Variants in ZNF410 observed in about 807,000 individuals in gnomAD.
ZNF410 encodes the protein zinc finger protein 410.
Under a neutral mutation model 54.8 loss-of-function variants are expected in ZNF410, and 18 were observed. The ratio of observed to expected loss-of-function variants is 0.33; its 90% CI spans 0.23 to 0.49. The LOEUF (loss-of-function observed/expected upper bound fraction) is 0.49. ZNF410 is among the 20% of genes least tolerant of loss of function. ZNF410 has a pLI of 0.99. For missense variants in ZNF410, 405 were observed against 569.6 expected (o/e 0.71, Z 2.94); for synonymous variants, 191 against 207.3 (o/e 0.92, Z 0.68).
intron 5 of ZNF410, among the ~76,000 whole-genome samples, chr14:73,898,892 C>G (rs1184006536): frequency 3.3e-5 from 5 of 152,224 alleles, no homozygotes; most frequent in Admixed American, 3.3e-4. Flanking sequence ...GAAATATAAA[C>G]TCTCAGGCCC....
chr14:73,901,043 A>G (rs1157710456), intron 5 of ZNF410, among the ~76,000 whole-genome samples: 1 of 152,238 alleles, frequency 6.6e-6, no homozygotes, highest in Non-Finnish European at 1.5e-5. Flanking sequence ...AAGTCACTTT[A>G]TGAGTCCTCT....
At position 73,890,477 on chromosome 14, in the gene ZNF410, C is replaced by T. The variant is rs1409918191; in HGVS notation, c.-149-1550C>T. Among the ~76,000 whole-genome samples, 5 of 152,064 alleles carry T rather than the reference C, an allele frequency of 3.3e-5. No individual in the cohort carries two copies. In the East Asian group the frequency reaches 5.8e-4, roughly 18 times the overall value. ...TGCTGGGTTTACAGGCGTGAGCCAC[C>T]GTGCCCAGCCTAAGTGCCCTCTTTG... On this transcript the variant is annotated intron_variant, in intron 1 of 11. Transcript: ENST00000555044.
chr14:73,919,049 A>G (rs1203254703), intron 8 of ZNF410, among the ~76,000 whole-genome samples: 2 of 112,778 alleles, frequency 1.8e-5, no homozygotes, highest in Non-Finnish European at 3.3e-5. Flanking sequence ...ACTCTGGCTC[A>G]GGCTAGAGTG....
chr14:73,920,886 C>T, intron 8 of ZNF410, 94 bp from the exon 9 acceptor site: 1 of 1,510,324 alleles, frequency 6.6e-7, no homozygotes, highest in South Asian at 1.2e-5. Flanking sequence ...TGCTTATGTT[C>T]AGTTTAACAT....
chr14:73,913,460 A>C (rs1381547211), intron 8 of ZNF410: 2 of 152,334 alleles, frequency 1.3e-5, no homozygotes, highest in African/African-American at 4.8e-5. Context: ...CTTCTTAAGC[A>C]TAACTGTGTT....
chr14:73,900,664 C>T (rs1204795373), intron 5 of ZNF410, among the ~76,000 whole-genome samples: 2 of 152,120 alleles, frequency 1.3e-5, no homozygotes, highest in African/African-American at 4.8e-5. Context: ...CGTGAGCCAC[C>T]GTGCGTGGTC....
intron 11 of ZNF410, among the ~76,000 whole-genome samples, chr14:73,929,813 TA>T (rs376052758): frequency 7.2e-4 from 104 of 144,868 alleles, no homozygotes; most frequent in Middle Eastern, 7.0e-3. Context: ...CCAAACTCTT[TA>T]AAAAAAAAAA....
At chr14:73,897,955 G>C (rs1004833911) in intron 4 of ZNF410, 116 bp from the exon 5 acceptor site, 26 of 981,408 alleles carry the variant, frequency 2.6e-5, no homozygotes, top group Admixed American at 1.1e-4. Context: ...CTGGGTGACA[G>C]AGCGAGACGC....
At chr14:73,902,031 ATTCC>A (rs1428831146) in intron 5 of ZNF410, among the ~76,000 whole-genome samples, 1 of 151,068 alleles carries the variant, frequency 6.6e-6, no homozygotes, top group Non-Finnish European at 1.5e-5. Flanking sequence ...TGGTGGGAAG[ATTCC>A]TTCACGGCAT....
At chr14:73,894,428 T>G in intron 3 of ZNF410, 1 of 695,406 alleles carries the variant, frequency 1.4e-6, no homozygotes, top group South Asian at 1.5e-5. Context: ...ACTTGCTTTT[T>G]TTTTTTTTTT....
chr14:73,894,509 C>A, intron 3 of ZNF410: 1 of 672,028 alleles, frequency 1.5e-6, no homozygotes. Context: ...GCAACCTCCG[C>A]CTCCCCTCCC....
At chr14:73,900,025 G>A (rs994178473) in intron 5 of ZNF410, among the ~76,000 whole-genome samples, 15 of 151,926 alleles carry the variant, frequency 9.9e-5, no homozygotes, top group African/African-American at 1.9e-4. Context: ...GAGAAATCCC[G>A]TCTCTACTAA....
intron 7 of ZNF410, among the ~76,000 whole-genome samples, chr14:73,905,968 C>CATACATATATATATATAT (rs1555353430): frequency 3.0e-4 from 24 of 78,934 alleles, no homozygotes; most frequent in African/African-American, 9.3e-4. Flanking sequence ...CACACACACA[C>CATACATATATATATATAT]ATATATATAT....
Position 73,906,955 on chromosome 14 carries a change from T to C in ZNF410, c.913+1872T>C, listed in dbSNP as rs898055747. Among the ~76,000 whole-genome samples the C allele has an allele frequency of 4.6e-5, 7 of 152,094 alleles. No homozygotes were observed. In the East Asian group the frequency reaches 1.3e-3, roughly 29 times the overall value. ...ATAATCTCAGGCCTCTATTTAATTA[T>C]TTCTCCCTAGATGCCTCACAGATCT... On this transcript the variant is annotated intron_variant, in intron 7 of 11. Transcript: ENST00000555044.
chr14:73,888,325 A>G (rs1208457704), intron 1 of ZNF410: 1 of 152,216 alleles, frequency 6.6e-6, no homozygotes, highest in Non-Finnish European at 1.5e-5. Flanking sequence ...GCAGTTAGAA[A>G]TGAAGGTTTG....
At chr14:73,909,944 A>G (rs941081393) in intron 8 of ZNF410, among the ~76,000 whole-genome samples, 1 of 152,180 alleles carries the variant, frequency 6.6e-6, no homozygotes, top group African/African-American at 2.4e-5. Context: ...AGAAAAGAGG[A>G]GTAAGATTTA....
chr14:73,905,139 G>T, intron 7 of ZNF410, 56 bp downstream of exon 7: 12 of 1,562,610 alleles, frequency 7.7e-6, no homozygotes, highest in Non-Finnish European at 1.0e-5. Flanking sequence ...CTGCATGTTT[G>T]CCTCTCCTTA....
chr14:73,901,048 T>C (rs1183876537), intron 5 of ZNF410, among the ~76,000 whole-genome samples: 1 of 152,218 alleles, frequency 6.6e-6, no homozygotes, highest in Non-Finnish European at 1.5e-5. Flanking sequence ...ACTTTATGAG[T>C]CCTCTAGCAT....
At chr14:73,892,340 G>A in intron 2 of ZNF410, 132 bp downstream of exon 2, 1 of 748,584 alleles carries the variant, frequency 1.3e-6, no homozygotes. Context: ...TAAGCTATAT[G>A]GTTTTGATTG....
Sources: gnomAD v4.1 joint callset for allele counts (sites outside exome capture counted in the v4.1 genomes callset) on GRCh38, gnomAD v4.1.1 for gene constraint, MANE v1.5 for transcripts, NCBI Gene and HGNC (gene_info 2026-07-23, HGNC 2026-07-21) for gene names.